TENM3: variants seen among roughly 807,000 people sequenced by gnomAD.
TENM3 encodes teneurin transmembrane protein 3.
In TENM3, 63 loss-of-function variants were observed where a neutral mutation model predicts 255.1. That is an observed-to-expected ratio of 0.25 (90% CI 0.20 to 0.30). The LOEUF is 0.30. Among genes scored for constraint, TENM3 ranks in the 10% least tolerant of loss-of-function variants. TENM3 has a pLI of 1.00. For missense variants in TENM3, 2,929 were observed against 3,461.1 expected (o/e 0.85, Z 3.86); for synonymous variants, 1,306 against 1,322.3 (o/e 0.99, Z 0.27).
chr4:182,362,208 A>C (rs892885674), intron 3 of TENM3, among the ~76,000 whole-genome samples: 1 of 152,070 alleles, frequency 6.6e-6, no homozygotes, highest in African/African-American at 2.4e-5. Flanking sequence ...CCGTTCTCAG[A>C]TCTCCAGCTG....
intron 24 of TENM3, among the ~76,000 whole-genome samples, chr4:182,779,367 G>A (rs1005215693): frequency 1.3e-5 from 2 of 152,064 alleles, no homozygotes; most frequent in South Asian, 2.1e-4. Context: ...TTTCATCCAT[G>A]TCCCTACAAA....
At chr4:182,681,614 C>T (rs1320486935) in intron 10 of TENM3, among the ~76,000 whole-genome samples, 200 bp from the exon 11 acceptor site, 1 of 152,152 alleles carries the variant, frequency 6.6e-6, no homozygotes, top group East Asian at 1.9e-4. Context: ...GTCTCAATTA[C>T]CTAAATGGCA....
At chr4:181,995,471 C>T in the TENM3 span, among the ~76,000 whole-genome samples, 46 of 152,138 alleles carry the variant, frequency 3.0e-4, no homozygotes, top group South Asian at 8.3e-4. Flanking sequence ...AATGGAAGCA[C>T]AAATATTTTT....
chr4:182,542,738 T>C (rs1262854851), intron 3 of TENM3, among the ~76,000 whole-genome samples: 1 of 152,200 alleles, frequency 6.6e-6, no homozygotes, highest in Non-Finnish European at 1.5e-5. Context: ...TAGTATACTT[T>C]ACTTTCTTAC....
At chr4:181,826,466 A>C in the TENM3 span, among the ~76,000 whole-genome samples, 38,962 of 152,170 alleles carry the variant, frequency 0.26, 6,039 homozygotes, top group Middle Eastern at 0.35. Context: ...TCCACTTGTT[A>C]CAGATCCAGG....
At chr4:181,691,771 TCA>T in the TENM3 span, among the ~76,000 whole-genome samples, 1 of 152,266 alleles carries the variant, frequency 6.6e-6, no homozygotes, top group East Asian at 1.9e-4. Context: ...CAAATCTAAT[TCA>T]CAGTCACTTT....
chr4:182,153,811 T>C (rs2149589996), intron 1 of TENM3, among the ~76,000 whole-genome samples: 1 of 152,294 alleles, frequency 6.6e-6, no homozygotes, highest in South Asian at 2.1e-4. Flanking sequence ...TGTGAGTTAC[T>C]GAAACAAATC....
intron 1 of TENM3, among the ~76,000 whole-genome samples, chr4:182,285,917 C>A (rs550450815): frequency 1.3e-5 from 2 of 152,202 alleles, no homozygotes; most frequent in African/African-American, 2.4e-5. Flanking sequence ...TAATTACAAT[C>A]GATTAAAATT....
chr4:182,594,042 G>T (rs924753163), intron 3 of TENM3, among the ~76,000 whole-genome samples: 13 of 152,034 alleles, frequency 8.6e-5, no homozygotes, highest in Admixed American at 2.6e-4. Flanking sequence ...TTCTTGGCAT[G>T]ATCCTGTGGC....
chr4:181,603,585 T>C, the TENM3 span, among the ~76,000 whole-genome samples: 1 of 152,054 alleles, frequency 6.6e-6, no homozygotes, highest in African/African-American at 2.4e-5. Context: ...CAATGTTTCC[T>C]CTAAAGTCTC....
chr4:182,129,619 G>T, the TENM3 span, among the ~76,000 whole-genome samples: 1 of 152,120 alleles, frequency 6.6e-6, no homozygotes, highest in African/African-American at 2.4e-5. Flanking sequence ...TCAAAGAGTG[G>T]ATTCCACAAA....
the TENM3 span, among the ~76,000 whole-genome samples, chr4:181,730,396 C>G: frequency 6.6e-6 from 1 of 152,168 alleles, no homozygotes; most frequent in South Asian, 2.1e-4. Flanking sequence ...AAATCCGAGC[C>G]GATGGCTCCT....
intron 3 of TENM3, among the ~76,000 whole-genome samples, chr4:182,543,070 T>C (rs1467979222): frequency 6.6e-6 from 1 of 152,202 alleles, no homozygotes; most frequent in Non-Finnish European, 1.5e-5. Flanking sequence ...CGAATGTAGC[T>C]TGTGATTGAC....
At chr4:182,177,925 C>T (rs1316681801) in intron 1 of TENM3, among the ~76,000 whole-genome samples, 2 of 141,986 alleles carry the variant, frequency 1.4e-5, no homozygotes, top group African/African-American at 5.3e-5. Flanking sequence ...AAGTCATAAA[C>T]TTTTGTCCAA....
At chr4:181,463,478 C>A in the TENM3 span, among the ~76,000 whole-genome samples, 6 of 152,146 alleles carry the variant, frequency 3.9e-5, no homozygotes, top group Admixed American at 1.3e-4. Context: ...TATCTTCACT[C>A]AACTGGATGT....
chr4:182,472,234 T>C (rs1733194469), intron 3 of TENM3, among the ~76,000 whole-genome samples: 1 of 150,896 alleles, frequency 6.6e-6, no homozygotes, highest in Non-Finnish European at 1.5e-5. Context: ...GTCTCTGTCT[T>C]ACATATTTTT....
the TENM3 span, among the ~76,000 whole-genome samples, chr4:181,801,690 A>AT: frequency 2.6e-5 from 3 of 115,998 alleles, no homozygotes; most frequent in African/African-American, 9.6e-5. Context: ...ATATATATAT[A>AT]TATATATGCA....
At chr4:181,691,313 C>T in the TENM3 span, among the ~76,000 whole-genome samples, 65,121 of 151,542 alleles carry the variant, frequency 0.43, 16,698 homozygotes, top group Non-Finnish European at 0.57. Context: ...TATATGTATA[C>T]ACAAACTCAT....
chr4:181,721,384 A>G, the TENM3 span, among the ~76,000 whole-genome samples: 1 of 151,574 alleles, frequency 6.6e-6, no homozygotes, highest in African/African-American at 2.4e-5. Context: ...TGGCAGTCGT[A>G]TAGAAGTGGA....
Sources: gnomAD v4.1 joint callset for allele counts (sites outside exome capture counted in the v4.1 genomes callset) on GRCh38, gnomAD v4.1.1 for gene constraint, MANE v1.5 for transcripts, NCBI Gene and HGNC (gene_info 2026-07-23, HGNC 2026-07-21) for gene names.